SEC14L6: variants seen among roughly 807,000 people sequenced by gnomAD.
The protein encoded by SEC14L6 is SEC14 like lipid binding 6.
SEC14L6 carries 40 observed loss-of-function variants against 54.1 expected under a neutral mutation model. The observed-to-expected ratio is 0.74, with a 90% confidence interval of 0.57 to 0.96. The LOEUF (loss-of-function observed/expected upper bound fraction) is 0.96, where lower values mean the gene tolerates loss of function less well. Ranked by LOEUF, SEC14L6 falls within the 40% of genes least tolerant of loss-of-function variation. SEC14L6 has a pLI of 0.00. For missense variants in SEC14L6, 471 were observed against 498.3 expected (o/e 0.95, Z 0.52); for synonymous variants, 171 against 198.4 (o/e 0.86, Z 1.16).
At position 30,536,960 on chromosome 22, in the gene SEC14L6, G is replaced by T. The variant is rs1375484607; in HGVS notation, c.130+1867C>A. Among the ~76,000 whole-genome samples the T allele has an allele frequency of 5.2e-5, 7 of 135,916 alleles. No homozygotes were observed. In the South Asian group the frequency reaches 1.2e-3, roughly 24 times the overall value. The allele number at this position is 135,916 out of a possible 152,430, so 89.2% of individuals were successfully genotyped here. A position where few individuals can be genotyped will look rare whatever the true frequency, so the allele number is the denominator to read the frequency against. On this transcript the variant is annotated intron_variant, in intron 2 of 11. Coordinates refer to ENST00000402034, the MANE Select transcript of SEC14L6 (RefSeq NM_001193336.4). ...AATCACTTGAGCCCAGGAGGCGGAGGTTACAGTGAGCCAAGATTCTGCCAC... is the reference window on the plus strand; with the variant it reads ...AATCACTTGAGCCCAGGAGGCGGAGTTTACAGTGAGCCAAGATTCTGCCAC...
In SEC14L6 at chr22:30,546,684, C is replaced by T. The variant is rs2085803008; in HGVS notation, c.-2G>A. ...CAGGTCACCCACTTGTCCACTCATG[C>T]TGCCCATGAATGGGTCCAGGCTCCA... On this transcript the variant is annotated 5_prime_UTR_variant, in exon 1 of 12. Coordinates refer to ENST00000402034, the MANE Select transcript of SEC14L6 (RefSeq NM_001193336.4). 6.4e-7 allele frequency: 1 copy of T among 1,550,428 alleles called. No homozygotes were observed. The highest frequency in any genetic ancestry group is 1.4e-5 in the African/African-American group (1 of 73,168).
At chr22:30,526,073 C>T (rs1271799747) in intron 8 of SEC14L6, 141 bp from the exon 9 acceptor site, 17 of 1,013,734 alleles carry the variant, frequency 1.7e-5, no homozygotes, top group Non-Finnish European at 3.0e-6. Flanking sequence ...TAGAGCAGTC[C>T]TGTCCCAGAA....
chr22:30,531,881 G>T (rs1936985932), intron 6 of SEC14L6, 22 bp downstream of exon 6: 3 of 1,522,978 alleles, frequency 2.0e-6, no homozygotes, highest in African/African-American at 1.4e-5. Flanking sequence ...ACCCACCCAT[G>T]CCCCTGGCGG....
chr22:30,536,849 A>AC (rs2085607638), intron 2 of SEC14L6, among the ~76,000 whole-genome samples: 2 of 151,532 alleles, frequency 1.3e-5, no homozygotes, highest in Admixed American at 6.6e-5. Flanking sequence ...ACATGGTGAA[A>AC]CCCCATCTCT....
chr22:30,531,837 A>C, intron 6 of SEC14L6, 66 bp downstream of exon 6: 2 of 1,163,584 alleles, frequency 1.7e-6, no homozygotes, highest in Non-Finnish European at 1.2e-6. Context: ...GCCCCACACC[A>C]GCAAGTGGAG....
intron 8 of SEC14L6, among the ~76,000 whole-genome samples, chr22:30,528,182 G>A (rs954166769): frequency 6.8e-6 from 1 of 147,378 alleles, no homozygotes; most frequent in Admixed American, 6.8e-5. Context: ...GAGTGCACTG[G>A]CGCGATCTCA....
chr22:30,546,537 G>A (rs2085800185), intron 1 of SEC14L6, 92 bp downstream of exon 1: 4 of 1,224,314 alleles, frequency 3.3e-6, no homozygotes, highest in Non-Finnish European at 3.5e-6. Flanking sequence ...GAGCTGGAGA[G>A]TTCAGAAGAA....
At chr22:30,526,172 C>T (rs1416349334) in intron 8 of SEC14L6, among the ~76,000 whole-genome samples, 6 of 152,240 alleles carry the variant, frequency 3.9e-5, no homozygotes, top group Non-Finnish European at 5.9e-5. Context: ...CCCTCTCTTA[C>T]TGCCCCTGCA....
chr22:30,532,638 C>A lies in SEC14L6; in HGVS notation c.310G>T (p.Gly104Ter), dbSNP rs1385709504. 6.4e-7 allele frequency: 1 copy of A among 1,550,786 alleles called. No individual in the cohort carries two copies. The highest frequency in any genetic ancestry group is 1.4e-5 in the African/African-American group (1 of 73,180). The change falls in exon 5 of 12, where the codon GGA becomes TGA. Residue 104 changes from glycine to a stop codon, truncating the protein, a stop_gained. Coordinates refer to ENST00000402034, the MANE Select transcript of SEC14L6 (RefSeq NM_001193336.4). LOFTEE classifies it high-confidence loss of function. ...EGSPVWYHIV[G>*]SLDPKGLLLS... ...AAGAGGCCTTTGGGGTCCAGGCTTCCCACAATGTGGTACCAGACAGGGCTG... is the reference window on the plus strand; with the variant it reads ...AAGAGGCCTTTGGGGTCCAGGCTTCACACAATGTGGTACCAGACAGGGCTG...
chr22:30,543,174 A>T, intron 1 of SEC14L6: 2 of 1,603,798 alleles, frequency 1.2e-6, no homozygotes, highest in South Asian at 2.2e-5. Flanking sequence ...ACCCCGCAAG[A>T]GAGAGCGTGT....
At chr22:30,542,669 A>C in intron 1 of SEC14L6, 1 of 1,513,504 alleles carries the variant, frequency 6.6e-7, no homozygotes, top group South Asian at 1.2e-5. Context: ...GGTGAGGAGG[A>C]GCTGCAGGTG....
intron 1 of SEC14L6, among the ~76,000 whole-genome samples, chr22:30,541,615 A>T (rs941296919): frequency 6.6e-6 from 1 of 152,094 alleles, no homozygotes; most frequent in South Asian, 2.1e-4. Flanking sequence ...CCAAGATCAC[A>T]TCACTGCACT....
chr22:30,528,422 C>CCTTTTTT (rs773969166), intron 8 of SEC14L6, among the ~76,000 whole-genome samples: 11 of 105,524 alleles, frequency 1.0e-4, no homozygotes, highest in African/African-American at 3.6e-4. Flanking sequence ...CGCTCGGCCT[C>CCTTTTTT]TTTTTTTTTT....
intron 1 of SEC14L6, chr22:30,544,239 C>G (rs1006224225): frequency 9.0e-6 from 5 of 552,766 alleles, no homozygotes; most frequent in Non-Finnish European, 1.3e-5. Flanking sequence ...CCCCACCCCT[C>G]CTTGGCTCTC....
At chr22:30,533,869 T>C (rs1349695467) in intron 3 of SEC14L6, 127 bp downstream of exon 3, 5 of 915,902 alleles carry the variant, frequency 5.5e-6, no homozygotes, top group Non-Finnish European at 8.4e-6. Context: ...CAGGTTTACC[T>C]TCCAGTCTCA....
Position 30,546,653 on chromosome 22 carries a change from T to G in SEC14L6, c.30A>C (p.Pro10=). The change falls in exon 1 of 12, where the codon CCA becomes CCC. Residue 10 remains proline (P), a synonymous_variant. Coordinates refer to ENST00000402034, the MANE Select transcript of SEC14L6 (RefSeq NM_001193336.4). ...CCTGGGCCAGCGACTTCTCCTGCGA[T>G]GGGCTCAGGTCACCCACTTGTCCAC... MSGQVGDLS[P]SQEKSLAQFR... 1.3e-6 allele frequency: 2 copies of G among 1,550,564 alleles called. No homozygotes were observed. Among genetic ancestry groups the G allele is most frequent in the Non-Finnish European group, 1.7e-6 (2 of 1,146,954 alleles).
intron 1 of SEC14L6, chr22:30,542,745 C>T: frequency 2.5e-6 from 4 of 1,579,584 alleles, no homozygotes; most frequent in Non-Finnish European, 3.5e-6. Flanking sequence ...GCACTGTGAC[C>T]TCCCTGAACC....
chr22:30,531,473 C>G (rs1431016775), intron 6 of SEC14L6, among the ~76,000 whole-genome samples: 1 of 151,838 alleles, frequency 6.6e-6, no homozygotes, highest in Admixed American at 6.6e-5. Flanking sequence ...GCCTGTAATC[C>G]CAGCACTTTG....
chr22:30,532,417 GGAGGAGCC>G (rs2146265492), intron 5 of SEC14L6, 100 bp downstream of exon 5: 6 of 1,337,854 alleles, frequency 4.5e-6, no homozygotes, highest in South Asian at 1.5e-5. Flanking sequence ...CACAGTACCA[GGAGGAGCC>G]GAGGAGCCCA....
Sources: allele counts gnomAD v4.1 joint callset (sites outside exome capture counted in the v4.1 genomes callset), GRCh38; gene constraint gnomAD v4.1.1; transcripts MANE v1.5; gene names NCBI Gene and HGNC (gene_info 2026-07-23, HGNC 2026-07-21).